Variants in EIF2S3B observed in about 807,000 individuals in gnomAD.
EIF2S3B encodes eukaryotic translation initiation factor 2 subunit 3B.
Under a neutral mutation model 26.4 loss-of-function variants are expected in EIF2S3B, and 16 were observed. The observed-to-expected ratio is 0.61, with a 90% CI of 0.41 to 0.92. The LOEUF (loss-of-function observed/expected upper bound fraction) is 0.92, where lower values mean the gene tolerates loss of function less well. Ranked by LOEUF, EIF2S3B falls within the 40% of genes least tolerant of loss-of-function variation. EIF2S3B has a pLI of 0.00. For synonymous variants in EIF2S3B, 183 were observed against 204.4 expected, an observed-to-expected ratio of 0.90 and a Z score of 0.89; for missense variants, 510 against 575.5, an observed-to-expected ratio of 0.89 and a Z score of 1.16.
At chr12:10,519,956 G>C (rs1454970765) in intron 1 of EIF2S3B, among the ~76,000 whole-genome samples, 1 of 152,040 alleles carries the variant, frequency 6.6e-6, no homozygotes, top group Non-Finnish European at 1.5e-5. Flanking sequence ...GTGTGGCAAT[G>C]CCTCAGGGAT....
intron 1 of EIF2S3B, among the ~76,000 whole-genome samples, chr12:10,520,538 A>C (rs1395245808): frequency 6.6e-6 from 1 of 152,136 alleles, no homozygotes; most frequent in African/African-American, 2.4e-5. Context: ...TAAGAAAAGG[A>C]GATATGCAAT....
downstream of EIF2S3B, among the ~76,000 whole-genome samples, chr12:10,513,290 T>C (rs891711161): frequency 3.3e-5 from 5 of 152,346 alleles, no homozygotes; most frequent in African/African-American, 1.2e-4. Context: ...GGAGGTGAAG[T>C]AGATAATTTA....
chr12:10,520,758 C>G (rs1334661482), intron 1 of EIF2S3B, among the ~76,000 whole-genome samples: 2 of 152,086 alleles, frequency 1.3e-5, no homozygotes, highest in Non-Finnish European at 2.9e-5. Context: ...AAGAACACAG[C>G]AAGAATCCTT....
intron 1 of EIF2S3B, among the ~76,000 whole-genome samples, chr12:10,515,109 C>A (rs574037191): frequency 6.6e-6 from 1 of 152,086 alleles, no homozygotes; most frequent in East Asian, 1.9e-4. Context: ...CCTAAATCTG[C>A]CCTTTATTCA....
At chr12:10,522,224 G>A (rs1864839176) in intron 1 of EIF2S3B, among the ~76,000 whole-genome samples, 1 of 152,018 alleles carries the variant, frequency 6.6e-6, no homozygotes, top group African/African-American at 2.4e-5. Context: ...AGCACTGGCC[G>A]CTCAGGAGGC....
At chr12:10,516,387 T>C (rs571128014) in intron 1 of EIF2S3B, among the ~76,000 whole-genome samples, 5 of 152,144 alleles carry the variant, frequency 3.3e-5, no homozygotes, top group East Asian at 1.9e-4. Context: ...AAAAAGTCTA[T>C]ACAAAATCAA....
At chr12:10,514,354 T>C (rs1864734320) in intron 1 of EIF2S3B, among the ~76,000 whole-genome samples, 1 of 152,204 alleles carries the variant, frequency 6.6e-6, no homozygotes, top group African/African-American at 2.4e-5. Flanking sequence ...TCCCTGATGT[T>C]ACAAAGCTTT....
intron 1 of EIF2S3B, among the ~76,000 whole-genome samples, chr12:10,520,465 C>G (rs1864818820): frequency 6.6e-6 from 1 of 150,608 alleles, no homozygotes; most frequent in African/African-American, 2.4e-5. Flanking sequence ...ACATATGTAA[C>G]TAACCTGCAC....
chr12:10,508,073 C>G lies in EIF2S3B; in HGVS notation c.*752C>G, dbSNP rs527561127. Among the ~76,000 whole-genome samples, 1 of 152,302 alleles carries G rather than the reference C, an allele frequency of 6.6e-6. No homozygotes were observed. The highest frequency in any genetic ancestry group is 1.9e-4 in the East Asian group (1 of 5,182). ...GGCACAAATTATCCTTGAAGACCTT[C>G]TCCCTTTTCTTTGGCCCCATATTTT... On this transcript the variant is annotated 3_prime_UTR_variant, in exon 1 of 1. Transcript: ENST00000538173.
Position 10,506,957 on chromosome 12 carries a change from G to A in EIF2S3B, c.1055G>A (p.Arg352Lys). The part of the protein sequence containing the change: ...KIDPTLCRAD[R>K]MVGQILGAVG... Reference sequence around the variant, plus strand: ...GACCCCACTTTGTGCCGGGCTGACAGAATGGTGGGGCAAATACTTGGTGCA... The same window carrying A: ...GACCCCACTTTGTGCCGGGCTGACAAAATGGTGGGGCAAATACTTGGTGCA... The change falls in exon 1 of 1, where the codon AGA (arginine) becomes AAA (lysine). Residue 352 changes from arginine (R) to lysine (K), a missense_variant. Coordinates refer to ENST00000538173, the MANE Select transcript of EIF2S3B (RefSeq NM_001357734.3). 6.2e-7 allele frequency: 1 copy of A among 1,613,884 alleles called. No individual in the cohort carries two copies. The highest frequency in any genetic ancestry group is 8.5e-7 in the Non-Finnish European group (1 of 1,179,734).
chr12:10,510,700 A>G (rs1449607150), downstream of EIF2S3B, among the ~76,000 whole-genome samples: 2 of 152,092 alleles, frequency 1.3e-5, no homozygotes, highest in Non-Finnish European at 2.9e-5. Context: ...TCTTCTACCA[A>G]ATTCTTCAGG....
chr12:10,507,961 G>A lies in EIF2S3B; in HGVS notation c.*640G>A, dbSNP rs1051547064. On this transcript the variant is annotated 3_prime_UTR_variant, in exon 1 of 1. Transcript: ENST00000538173. ...AGCACACACATATATCACTGAAACT[G>A]TTCGAAATAAAGTTTTTTTTTGTTT... Among the ~76,000 whole-genome samples, 19 of 151,726 alleles carry A rather than the reference G, an allele frequency of 1.3e-4. No individual in the cohort carries two copies. Among genetic ancestry groups the A allele is most frequent in the African/African-American group, 3.9e-4 (16 of 41,016 alleles).
Position 10,515,061 on chromosome 12 carries a change from C to G in EIF2S3B, c.1309-7542C>G, listed in dbSNP as rs145237367. On this transcript the variant is annotated intron_variant, in intron 1 of 1. Coordinates refer to the EIF2S3B transcript ENST00000322446. ...ACCTGTCCAAATCAATTTCTAGCCA[C>G]ATTTTTTATTACCCAAGAACTATTT... is the stretch of plus-strand genomic sequence containing the variant. Among the ~76,000 whole-genome samples, 972 of 152,200 alleles carry G rather than the reference C, an allele frequency of 6.4e-3. 10 individuals carry two copies. Among genetic ancestry groups the G allele is most frequent in the African/African-American group, 0.022 (916 of 41,538 alleles).
chr12:10,516,452 T>G (rs181966313), intron 1 of EIF2S3B, among the ~76,000 whole-genome samples: 3 of 151,612 alleles, frequency 2.0e-5, no homozygotes, highest in Non-Finnish European at 4.4e-5. Context: ...GCAAAATGAA[T>G]ATTTATTGTA....
At chr12:10,515,317 AC>A (rs148399370) in intron 1 of EIF2S3B, among the ~76,000 whole-genome samples, 4,680 of 152,122 alleles carry the variant, frequency 0.031, 216 homozygotes, top group African/African-American at 0.1. Flanking sequence ...CTTAAAAAAA[AC>A]TTCTCCTTTC....
At position 10,507,132 on chromosome 12, in the gene EIF2S3B, C is replaced by T; in HGVS notation, c.1230C>T (p.Ser410=). ...AAGTGCTCATGGTGAACATAGGATC[C>T]CTGTCGACAGGAGGGAGAGTTAGTG... ...KNEVLMVNIG[S]LSTGGRVSAV... The change falls in exon 1 of 1, where the codon TCC becomes TCT. Residue 410 remains serine, a synonymous_variant. Transcript: ENST00000538173. 1 of 1,613,726 alleles carries T rather than the reference C, an allele frequency of 6.2e-7. No individual in the cohort carries two copies. The highest frequency in any genetic ancestry group is 8.5e-7 in the Non-Finnish European group (1 of 1,179,690).
Position 10,506,447 on chromosome 12 carries a change from T to G in EIF2S3B, c.545T>G (p.Leu182Arg). The stretch of plus-strand genomic sequence containing the variant: ...CTGGCTGCTATAGAGATCATGAAAC[T>G]GAAGCATATTTTGATTCTACAAAAT... ...EHLAAIEIMK[L>R]KHILILQNKI... Residue 182 changes from leucine (L) to arginine (R), a missense_variant, in exon 1 of 1, where the codon CTG becomes CGG. By Grantham distance (102) the Leu-to-Arg change is moderately radical. Coordinates refer to ENST00000538173, the MANE Select transcript of EIF2S3B (RefSeq NM_001357734.3). The G allele has an allele frequency of 1.9e-6, 3 of 1,613,126 alleles. No individual in the cohort carries two copies. Among genetic ancestry groups the G allele is most frequent in the Non-Finnish European group, 2.5e-6 (3 of 1,179,038 alleles).
At position 10,515,099 on chromosome 12, in the gene EIF2S3B, C is replaced by T. The variant is rs996798068; in HGVS notation, c.1309-7504C>T. ...CCAAGAACTATTTGCAATTATAATACCTAAATCTGCCCTTTATTCATATTC... is the reference window on the plus strand; with the variant it reads ...CCAAGAACTATTTGCAATTATAATATCTAAATCTGCCCTTTATTCATATTC... On this transcript the variant is annotated intron_variant, in intron 1 of 1. Coordinates refer to the EIF2S3B transcript ENST00000322446. Among the ~76,000 whole-genome samples, 3 of 152,040 alleles carry T rather than the reference C, an allele frequency of 2.0e-5. No individual in the cohort carries two copies. The South Asian group carries it at 6.2e-4, about 31-fold the overall frequency.
At position 10,505,924 on chromosome 12, in the gene EIF2S3B, G is replaced by A. The variant is rs553116818; in HGVS notation, c.22G>A (p.Val8Met). ...CAACATGGCGGGCGGAGAAGCTGGG[G>A]TGACTCTGGGGCAGCCGCACCTTTC... MAGGEAG[V>M]TLGQPHLSRQ... The change falls in exon 1 of 1, where the codon GTG becomes ATG. Residue 8 changes from valine (V) to methionine (M), a missense_variant. By Grantham distance (21) the Val-to-Met change is conservative. Transcript: ENST00000538173. 3.8e-6 allele frequency: 6 copies of A among 1,599,774 alleles called. No homozygotes were observed. Among genetic ancestry groups the A allele is most frequent in the Admixed American group, 1.7e-5 (1 of 60,004 alleles).
Sources: allele counts gnomAD v4.1 joint callset (sites outside exome capture counted in the v4.1 genomes callset), GRCh38; gene constraint gnomAD v4.1.1; transcripts MANE v1.5; gene names NCBI Gene and HGNC (gene_info 2026-07-23, HGNC 2026-07-21).